MYBPC2: variants seen among roughly 807,000 people sequenced by gnomAD.
MYBPC2 encodes the protein myosin binding protein C2, also known as myosin-binding protein C, fast-type.
MYBPC2 carries 122 observed loss-of-function variants against 137.0 expected under a neutral mutation model. The ratio of observed to expected loss-of-function variants is 0.89; its 90% CI spans 0.77 to 1.03. The LOEUF is 1.03. MYBPC2 is among the 50% of genes least tolerant of loss of function. The pLI is 0.00. For synonymous variants in MYBPC2, 626 were observed against 612.3 expected, an observed-to-expected ratio of 1.02 and a Z score of -0.33; for missense variants, 1,500 against 1,534.4, an observed-to-expected ratio of 0.98 and a Z score of 0.37.
At position 50,455,036 on chromosome 19, in the gene MYBPC2, C is replaced by T. The variant is rs1347863190; in HGVS notation, c.2015-72C>T. The T allele has an allele frequency of 4.2e-6, 6 of 1,421,370 alleles. No homozygotes were observed. In the African/African-American group the frequency reaches 7.1e-5, roughly 17 times the overall value. The allele number at this position is 1,421,370 out of a possible 1,614,324, so 88.0% of individuals were successfully genotyped here. ...GGCCATGCGATCCTCTGGATGTGGC[C>T]CTCACTCCCCCAGCTGACTCATGCC... On this transcript the variant is annotated intron_variant, in intron 18 of 27. Coordinates refer to ENST00000357701, the MANE Select transcript of MYBPC2 (RefSeq NM_004533.4).
In MYBPC2 at chr19:50,432,949, C is replaced by T. The variant is rs983392732; in HGVS notation, c.-5C>T. ...GGTCAGAGGAGCAGGAGGAGGTCCC[C>T]CGACATGCCTGAGGCAAAACCAGGT... On this transcript the variant is annotated 5_prime_UTR_variant, in exon 1 of 28. Coordinates refer to ENST00000357701, the MANE Select transcript of MYBPC2 (RefSeq NM_004533.4). The surrounding 1 kb of genome is among the most constrained non-coding windows in gnomAD (Gnocchi z 5.5). The T allele has an allele frequency of 3.7e-6, 6 of 1,606,762 alleles. No homozygotes were observed. In the African/African-American group the frequency reaches 4.0e-5, roughly 11 times the overall value.
chr19:50,462,585 C>CTTT (rs1183773158), intron 26 of MYBPC2, among the ~76,000 whole-genome samples: 1 of 151,260 alleles, frequency 6.6e-6, no homozygotes. Context: ...TGCCTTTTTC[C>CTTT]TTCTTTCTTT....
At chr19:50,446,982 G>A (rs993821151) in intron 12 of MYBPC2, among the ~76,000 whole-genome samples, 29 of 134,168 alleles carry the variant, frequency 2.2e-4, no homozygotes, top group Admixed American at 3.0e-4. Context: ...GCAAGACTCC[G>A]TCTTAAAAAA....
In MYBPC2 at chr19:50,437,460, C is replaced by G; in HGVS notation, c.464-13C>G. The G allele has an allele frequency of 6.2e-7, 1 of 1,608,542 alleles. No individual in the cohort carries two copies. The highest frequency in any genetic ancestry group is 1.3e-5 in the African/African-American group (1 of 74,908). Reference sequence around the variant, plus strand: ...TCTAACTCACCTTCCCTTCTCTCATCACCTCTCCCCAGCACCCCGTCAGGA... The same window carrying G: ...TCTAACTCACCTTCCCTTCTCTCATGACCTCTCCCCAGCACCCCGTCAGGA... On this transcript the variant is annotated splice_polypyrimidine_tract_variant and intron_variant, in intron 5 of 27. Coordinates refer to ENST00000357701, the MANE Select transcript of MYBPC2 (RefSeq NM_004533.4).
intron 13 of MYBPC2, 72 bp from the exon 14 acceptor site, chr19:50,450,757 T>G: frequency 9.2e-7 from 1 of 1,090,644 alleles, no homozygotes; most frequent in Non-Finnish European, 1.4e-6. Context: ...GGAAGCTGAT[T>G]GAGGCGGTGC....
At chr19:50,446,145 C>A in intron 12 of MYBPC2, 93 bp downstream of exon 12, 1 of 1,397,708 alleles carries the variant, frequency 7.2e-7, no homozygotes, top group South Asian at 1.4e-5. Flanking sequence ...GAAGTTGTTC[C>A]TGACTCCTCT....
chr19:50,440,662 C>CAA (rs59564151), intron 7 of MYBPC2, among the ~76,000 whole-genome samples: 1 of 99,300 alleles, frequency 1.0e-5, no homozygotes, highest in African/African-American at 3.5e-5. Context: ...GAATCTGTCT[C>CAA]AAAAAAAAAA....
rs1007998917 is a variant in MYBPC2, at chr19:50,442,436, C to T, written c.902+123C>T. On this transcript the variant is annotated intron_variant, in intron 9 of 27. Coordinates refer to ENST00000357701, the MANE Select transcript of MYBPC2 (RefSeq NM_004533.4). ...TCACCCCTATATGAAGAGTACAGGC[C>T]GGGCACAGTGGCTCACGCCTGTAAT... The T allele has an allele frequency of 2.5e-5, 33 of 1,344,604 alleles. No individual in the cohort carries two copies. In the African/African-American group the frequency reaches 3.1e-4, roughly 13 times the overall value. The allele number at this position is 1,344,604 out of a possible 1,614,324, so 83.3% of individuals were successfully genotyped here.
At chr19:50,438,453 G>T (rs945591143) in intron 7 of MYBPC2, among the ~76,000 whole-genome samples, 28 of 152,168 alleles carry the variant, frequency 1.8e-4, no homozygotes, top group African/African-American at 6.5e-4. Flanking sequence ...ACGATGAATG[G>T]ATGGGTTCAT....
chr19:50,451,330 T>C (rs1344729751), intron 15 of MYBPC2, 21 bp downstream of exon 15: 2 of 1,610,568 alleles, frequency 1.2e-6, no homozygotes, highest in Non-Finnish European at 1.7e-6. Context: ...CGGGCTGCGC[T>C]GGGAGCGGGT....
rs2039896611 is a variant in MYBPC2 at position 50,455,118 on chromosome 19, A to G, written c.2025A>G (p.Val675=). 6.2e-7 allele frequency: 1 copy of G among 1,612,424 alleles called. No homozygotes were observed. The highest frequency in any genetic ancestry group is 8.5e-7 in the Non-Finnish European group (1 of 1,179,474). Residue 675 remains valine, a synonymous_variant, in exon 19 of 28, where the codon GTA becomes GTG. Transcript: ENST00000357701. The stretch of plus-strand genomic sequence containing the variant: ...GCTTGGAGCCTCCAGGGTACCTCGT[A>G]GAGCGGAAGAAGAAGGGCTCTCAGC... ...DGGKPVTGYL[V]ERKKKGSQRW...
At chr19:50,463,179 TTA>T (rs1468640533) in intron 26 of MYBPC2, among the ~76,000 whole-genome samples, 15 of 152,210 alleles carry the variant, frequency 9.9e-5, no homozygotes, top group African/African-American at 2.9e-4. Flanking sequence ...GCATATTTGT[TTA>T]TGTTTTGTTT....
At chr19:50,442,046 A>C in intron 8 of MYBPC2, 135 bp from the exon 9 acceptor site, 1 of 1,169,338 alleles carries the variant, frequency 8.6e-7, no homozygotes, top group African/African-American at 1.6e-5. Context: ...CTCTAAGTTC[A>C]TAGGAGGCCC....
chr19:50,463,599 TGGG>T (rs1184291536), intron 26 of MYBPC2, among the ~76,000 whole-genome samples: 1 of 152,110 alleles, frequency 6.6e-6, no homozygotes, highest in Non-Finnish European at 1.5e-5. Flanking sequence ...TCCTGTATGT[TGGG>T]GGAGACTGAC....
chr19:50,439,834 G>A (rs1307523910), intron 7 of MYBPC2, among the ~76,000 whole-genome samples: 2 of 152,248 alleles, frequency 1.3e-5, no homozygotes, highest in Admixed American at 1.3e-4. Context: ...GGGCCTGTGA[G>A]AGCCCAGAGC....
Position 50,466,174 on chromosome 19 carries a change from C to T in MYBPC2, c.3416-21C>T, listed in dbSNP as rs372135079. On this transcript the variant is annotated intron_variant, in intron 27 of 27. Coordinates refer to ENST00000357701, the MANE Select transcript of MYBPC2 (RefSeq NM_004533.4). This position sits in a 1 kb window ranked among gnomAD's most constrained non-coding sequence, Gnocchi z 4.9. Reference sequence around the variant, plus strand: ...GAGGCGTGCCCGGGCCTGGCTCACCCGCTTTCTCGTTTTCCTGCAGTGCCG... The same window carrying T: ...GAGGCGTGCCCGGGCCTGGCTCACCTGCTTTCTCGTTTTCCTGCAGTGCCG... 4.5e-5 allele frequency: 72 copies of T among 1,613,674 alleles called. No homozygotes were observed. In the African/African-American group the frequency reaches 7.2e-4, roughly 16 times the overall value.
chr19:50,436,502 C>A (rs1450471003), intron 4 of MYBPC2, 115 bp from the exon 5 acceptor site: 23 of 959,296 alleles, frequency 2.4e-5, no homozygotes, highest in Non-Finnish European at 3.6e-5. Context: ...CTCCATTGGC[C>A]CCCCTGTGGG....
chr19:50,434,783 C>A (rs1293218894), intron 1 of MYBPC2, among the ~76,000 whole-genome samples: 1 of 152,196 alleles, frequency 6.6e-6, no homozygotes, highest in Non-Finnish European at 1.5e-5. Context: ...GCAGGCAGGG[C>A]AGGGGAAGGA....
At position 50,459,282 on chromosome 19, in the gene MYBPC2, G is replaced by C. The variant is rs1387947267; in HGVS notation, c.2767G>C (p.Ala923Pro). 1 of 1,607,476 alleles carries C rather than the reference G, an allele frequency of 6.2e-7. No homozygotes were observed. ...GCAGATCGAGAACATGAAGGACACC[G>C]CCACCATCCGCATCCGCGTTGTGGG... ...SVQIENMKDT[A>P]TIRIRVVEKA... The change falls in exon 23 of 28, where the codon GCC becomes CCC. Residue 923 changes from alanine (A) to proline (P), a missense_variant. By Grantham distance (27) the Ala-to-Pro change is conservative. Coordinates refer to ENST00000357701, the MANE Select transcript of MYBPC2 (RefSeq NM_004533.4).
Sources: allele counts gnomAD v4.1 joint callset (sites outside exome capture counted in the v4.1 genomes callset), GRCh38; gene constraint gnomAD v4.1.1; non-coding constraint Gnocchi (gnomAD v3.1); transcripts MANE v1.5; gene names NCBI Gene and HGNC (gene_info 2026-07-23, HGNC 2026-07-21).